Variants in KMO observed in about 807,000 individuals in gnomAD.
The protein encoded by KMO is kynurenine 3-hydroxylase.
KMO carries 24 observed loss-of-function variants against 57.8 expected under a neutral mutation model. That is an observed-to-expected ratio of 0.42 (90% CI 0.30 to 0.58). The LOEUF (loss-of-function observed/expected upper bound fraction) is 0.58, where lower values mean the gene tolerates loss of function less well. KMO is among the 20% of genes least tolerant of loss of function. The pLI, the probability that KMO is intolerant of heterozygous loss-of-function variation, is 0.22. For missense variants in KMO, 483 were observed against 588.2 expected, an observed-to-expected ratio of 0.82 and a Z score of 1.85; for synonymous variants, 210 against 193.6, an observed-to-expected ratio of 1.08 and a Z score of -0.70.
At chr1:241,589,609 G>A (rs1398306108) in intron 12 of KMO, among the ~76,000 whole-genome samples, 1 of 152,182 alleles carries the variant, frequency 6.6e-6, no homozygotes, top group Non-Finnish European at 1.5e-5. Flanking sequence ...CTAAAAGAAA[G>A]AGTAGGTCCA....
chr1:241,545,534 T>C (rs1389097802), intron 1 of KMO, among the ~76,000 whole-genome samples: 1 of 152,116 alleles, frequency 6.6e-6, no homozygotes, highest in Non-Finnish European at 1.5e-5. Context: ...CTTTCCTCAA[T>C]GCGTGTCTGA....
chr1:241,556,277 G>A (rs1661620050), intron 5 of KMO, among the ~76,000 whole-genome samples: 1 of 152,032 alleles, frequency 6.6e-6, no homozygotes, highest in Non-Finnish European at 1.5e-5. Flanking sequence ...GGGACTACAG[G>A]CACATGCTAC....
chr1:241,571,621 CCCTGGGAT>C (rs973307354), intron 10 of KMO, among the ~76,000 whole-genome samples: 3 of 151,970 alleles, frequency 2.0e-5, no homozygotes, highest in African/African-American at 7.3e-5. Context: ...ATCCTTGCTA[CCCTGGGAT>C]GAATCCTGCT....
intron 10 of KMO, among the ~76,000 whole-genome samples, chr1:241,582,037 C>G (rs1662771630): frequency 1.3e-5 from 2 of 152,280 alleles, no homozygotes; most frequent in South Asian, 4.1e-4. Flanking sequence ...TTGCTGCATA[C>G]AATATTCTAA....
In KMO at chr1:241,594,817, G is replaced by C. The variant is rs762830465; in HGVS notation, c.*2664G>C. Reference sequence around the variant, plus strand: ...TGTTTGTTAGCAGGTGTGGATGTGGGGTTATGTGGTCATGCTCAGATCTAC... The same window carrying C: ...TGTTTGTTAGCAGGTGTGGATGTGGCGTTATGTGGTCATGCTCAGATCTAC... On this transcript the variant is annotated 3_prime_UTR_variant, in exon 15 of 15. Transcript: ENST00000366559. The C allele has an allele frequency of 2.9e-6, 3 of 1,022,422 alleles. No individual in the cohort carries two copies. The African/African-American group carries it at 4.8e-5, about 16-fold the overall frequency. The allele number at this position is 1,022,422 out of a possible 1,614,324, so 63.3% of individuals were successfully genotyped here. A position where few individuals can be genotyped will look rare whatever the true frequency, so the allele number is the denominator to read the frequency against.
At chr1:241,576,280 G>A (rs1662516505) in intron 10 of KMO, among the ~76,000 whole-genome samples, 1 of 152,014 alleles carries the variant, frequency 6.6e-6, no homozygotes, top group African/African-American at 2.4e-5. Context: ...ATTGAGATGT[G>A]AGGTGCTGTT....
intron 3 of KMO, 142 bp from the exon 4 acceptor site, chr1:241,550,813 C>A: frequency 3.9e-6 from 2 of 516,326 alleles, no homozygotes; most frequent in Non-Finnish European, 6.8e-6. Flanking sequence ...GGAGTTTCTA[C>A]CACGTTGGGC....
intron 1 of KMO, among the ~76,000 whole-genome samples, chr1:241,534,547 G>C (rs1660688910): frequency 6.6e-6 from 1 of 152,214 alleles, no homozygotes; most frequent in African/African-American, 2.4e-5. Context: ...CATCATGTTT[G>C]ATTCCTATTG....
intron 10 of KMO, among the ~76,000 whole-genome samples, chr1:241,580,578 C>T (rs1662711646): frequency 2.0e-5 from 3 of 151,980 alleles, no homozygotes; most frequent in African/African-American, 7.2e-5. Flanking sequence ...TCTTTAAATT[C>T]CCTTATTGGT....
intron 4 of KMO, 26 bp from the exon 5 acceptor site, chr1:241,555,586 C>G: frequency 7.5e-7 from 1 of 1,335,784 alleles, no homozygotes; most frequent in Non-Finnish European, 1.1e-6. Context: ...CAGAAACAAA[C>G]AGTATCTACT....
In KMO at chr1:241,594,505, C is replaced by T; in HGVS notation, c.*2352C>T. ...CTGTCGTCAACTGACAGTGATTCAT[C>T]ACTGGTGATGATAAAAATGATGGAA... On this transcript the variant is annotated 3_prime_UTR_variant, in exon 15 of 15. Coordinates refer to ENST00000366559, the MANE Select transcript of KMO (RefSeq NM_003679.5). 1 of 1,614,146 alleles carries T rather than the reference C, an allele frequency of 6.2e-7. No individual in the cohort carries two copies. Among genetic ancestry groups the T allele is most frequent in the Non-Finnish European group, 8.5e-7 (1 of 1,180,000 alleles).
At chr1:241,538,904 G>A (rs578251277) in intron 1 of KMO, among the ~76,000 whole-genome samples, 8 of 152,082 alleles carry the variant, frequency 5.3e-5, no homozygotes, top group East Asian at 1.9e-4. Flanking sequence ...CTCATTTGGC[G>A]CATCCTCCTC....
intron 3 of KMO, among the ~76,000 whole-genome samples, chr1:241,550,339 T>C (rs1191059171): frequency 6.6e-6 from 1 of 152,200 alleles, no homozygotes; most frequent in Non-Finnish European, 1.5e-5. Context: ...AAATTCTGAA[T>C]TCTGAAACCA....
At position 241,551,102 on chromosome 1, in the gene KMO, T is replaced by C. The variant is rs1661377530; in HGVS notation, c.312+58T>C. On this transcript the variant is annotated intron_variant, in intron 4 of 14. Transcript: ENST00000366559. Reference sequence around the variant, plus strand: ...TTATAAGGAAGTCAAAGTCTGGAACTTGCCTCTTGTTTGATGGCCCCTCTC... The same window carrying C: ...TTATAAGGAAGTCAAAGTCTGGAACCTGCCTCTTGTTTGATGGCCCCTCTC... 6.2e-6 allele frequency: 6 copies of C among 967,816 alleles called. No homozygotes were observed. The South Asian group carries it at 8.9e-5, about 14-fold the overall frequency. The allele number at this position is 967,816 out of a possible 1,614,324, so 60.0% of individuals were successfully genotyped here.
intron 5 of KMO, chr1:241,555,898 C>T: frequency 2.8e-6 from 1 of 358,092 alleles, no homozygotes; most frequent in Non-Finnish European, 5.1e-6. Flanking sequence ...CCCGCCTGGG[C>T]AACATGGAGA....
In KMO at chr1:241,592,761, T is replaced by C. The variant is rs1170726494; in HGVS notation, c.*608T>C. On this transcript the variant is annotated 3_prime_UTR_variant, in exon 15 of 15. Coordinates refer to ENST00000366559, the MANE Select transcript of KMO (RefSeq NM_003679.5). The stretch of plus-strand genomic sequence containing the variant: ...CATCTATCTATCTATCTATCATCTA[T>C]CTATCTATCTATCTATCTATCTATC... 6.8e-6 allele frequency: 1 copy of C among 146,390 alleles called. No homozygotes were observed. The highest frequency in any genetic ancestry group is 2.5e-5 in the African/African-American group (1 of 40,518). 9.1% of individuals were successfully genotyped at this position (146,390 alleles called of 1,614,324 possible).
intron 11 of KMO, 89 bp downstream of exon 11, chr1:241,586,825 G>A: frequency 1.1e-6 from 1 of 908,178 alleles, no homozygotes; most frequent in Admixed American, 2.2e-5. Flanking sequence ...TCACAAACCT[G>A]TGATGTATAA....
chr1:241,590,427 C>G, intron 14 of KMO, 164 bp downstream of exon 14: 1 of 574,118 alleles, frequency 1.7e-6, no homozygotes, highest in Non-Finnish European at 3.1e-6. Flanking sequence ...ACAGTGCTTA[C>G]TGAAAAACAT....
intron 1 of KMO, among the ~76,000 whole-genome samples, chr1:241,533,792 G>T (rs975198936): frequency 3.3e-5 from 5 of 152,216 alleles, no homozygotes; most frequent in African/African-American, 1.2e-4. Context: ...TAGTGCTGTA[G>T]AGAGTATCTT....
Sources: gnomAD v4.1 joint callset for allele counts (sites outside exome capture counted in the v4.1 genomes callset) on GRCh38, gnomAD v4.1.1 for gene constraint, MANE v1.5 for transcripts, NCBI Gene and HGNC (gene_info 2026-07-23, HGNC 2026-07-21) for gene names.